Variants in TBC1D8 observed in about 807,000 individuals in gnomAD.
The protein encoded by TBC1D8 is BUB2-like protein 1.
A neutral mutation model predicts 118.8 loss-of-function variants in TBC1D8; 65 were observed. The observed-to-expected ratio is 0.55, with a 90% CI of 0.45 to 0.67. The LOEUF (loss-of-function observed/expected upper bound fraction) is 0.67. Ranked by LOEUF, TBC1D8 falls within the 30% of genes least tolerant of loss-of-function variation. The pLI, the probability that TBC1D8 is intolerant of heterozygous loss-of-function variation, is 0.00. For synonymous variants in TBC1D8, 566 were observed against 595.8 expected (o/e 0.95, Z 0.73); for missense variants, 1,376 against 1,471.2 (o/e 0.94, Z 1.06).
At chr2:101,057,697 G>C (rs1394505431) in intron 3 of TBC1D8, among the ~76,000 whole-genome samples, 1 of 152,132 alleles carries the variant, frequency 6.6e-6, no homozygotes, top group Non-Finnish European at 1.5e-5. Context: ...GGTGGTGTGT[G>C]CTTGCAGCCC....
intron 2 of TBC1D8, among the ~76,000 whole-genome samples, chr2:101,081,674 A>G (rs541056566): frequency 5.3e-5 from 8 of 152,320 alleles, no homozygotes; most frequent in African/African-American, 1.9e-4. Flanking sequence ...AGTCCACCTC[A>G]TGCCTCAGTT....
chr2:101,131,793 C>T (rs912547196), intron 1 of TBC1D8, among the ~76,000 whole-genome samples: 1 of 151,710 alleles, frequency 6.6e-6, no homozygotes, highest in Admixed American at 6.6e-5. Flanking sequence ...CCAGCCTGGG[C>T]GACAGAGCGA....
intron 1 of TBC1D8, among the ~76,000 whole-genome samples, chr2:101,150,040 T>C (rs956358367): frequency 6.6e-6 from 1 of 152,200 alleles, no homozygotes; most frequent in Non-Finnish European, 1.5e-5. Flanking sequence ...TCAGTGTAAG[T>C]CTGCACTCCT....
chr2:101,064,902 G>T (rs1682938888), intron 2 of TBC1D8, among the ~76,000 whole-genome samples: 1 of 152,058 alleles, frequency 6.6e-6, no homozygotes, highest in African/African-American at 2.4e-5. Context: ...AATTTTCTAG[G>T]TGAGAAGAGC....
At chr2:101,147,044 G>A (rs1679345512) in intron 1 of TBC1D8, among the ~76,000 whole-genome samples, 1 of 151,444 alleles carries the variant, frequency 6.6e-6, no homozygotes, top group South Asian at 2.1e-4. Context: ...CAGGCACGGT[G>A]GCTCACACCT....
At chr2:101,147,016 ATGT>A (rs1351969005) in intron 1 of TBC1D8, among the ~76,000 whole-genome samples, 1 of 149,156 alleles carries the variant, frequency 6.7e-6, no homozygotes, top group East Asian at 2.1e-4. Flanking sequence ...AGGTTCATCC[ATGT>A]TGTTGCAAAT....
rs200716618 is a variant in TBC1D8, at chr2:101,011,453, T to C, written c.2915A>G (p.Asn972Ser). The C allele has an allele frequency of 4.5e-5, 72 of 1,613,860 alleles. No individual in the cohort carries two copies. The African/African-American group carries it at 4.9e-4, about 11-fold the overall frequency. Residue 972 changes from asparagine (N) to serine (S), a missense_variant and splice_region_variant, in exon 18 of 20, where the codon AAT becomes AGT. Transcript: ENST00000409318. Reference protein sequence around the residue: ...TSRPLVFGKPNGDAVDYQKQL... With the variant: ...TSRPLVFGKPSGDAVDYQKQL... ...CAACAATGAAAAGAGGTACGTGCCATTGGGTTTCCCGAAAACCAGGGGTCT... is the reference window on the plus strand; with the variant it reads ...CAACAATGAAAAGAGGTACGTGCCACTGGGTTTCCCGAAAACCAGGGGTCT...
At chr2:101,122,363 G>C (rs1278637300) in intron 1 of TBC1D8, among the ~76,000 whole-genome samples, 1 of 113,876 alleles carries the variant, frequency 8.8e-6, no homozygotes, top group East Asian at 3.0e-4. Context: ...GAGCCACCGC[G>C]CCCGGCCAAG....
intron 1 of TBC1D8, among the ~76,000 whole-genome samples, chr2:101,148,770 C>G (rs1451667824): frequency 6.6e-6 from 1 of 152,174 alleles, no homozygotes; most frequent in East Asian, 1.9e-4. Flanking sequence ...TGCTTCCCTC[C>G]AAACAAAAGT....
chr2:101,058,766 A>T (rs78073428), intron 3 of TBC1D8, among the ~76,000 whole-genome samples: 2 of 151,836 alleles, frequency 1.3e-5, no homozygotes, highest in Admixed American at 1.3e-4. Flanking sequence ...AAAAAAAAAA[A>T]GGTGATTTAA....
chr2:101,067,769 G>C (rs1413952934), intron 2 of TBC1D8, among the ~76,000 whole-genome samples: 1 of 152,184 alleles, frequency 6.6e-6, no homozygotes, highest in Non-Finnish European at 1.5e-5. Flanking sequence ...TGACAATGAA[G>C]TTTCTGGCAC....
intron 17 of TBC1D8, among the ~76,000 whole-genome samples, chr2:101,020,578 G>C (rs1679972700): frequency 6.6e-6 from 1 of 152,186 alleles, no homozygotes; most frequent in African/African-American, 2.4e-5. Flanking sequence ...AGAAGGTCAA[G>C]GAGGGACTGC....
rs1055747238 is a variant in TBC1D8 at position 101,033,826 on chromosome 2, T to C, written c.1604-68A>G. 3 of 1,537,918 alleles carry C rather than the reference T, an allele frequency of 2.0e-6. No homozygotes were observed. In the African/African-American group the frequency reaches 4.1e-5, roughly 21 times the overall value. On this transcript the variant is annotated intron_variant, in intron 9 of 19. Coordinates refer to ENST00000409318, the MANE Select transcript of TBC1D8 (RefSeq NM_001330348.2). ...GATGGTGTCATGATGAAGAAGATGC[T>C]GGTCCCATCAGGGGACCCCAGTGGG... is the stretch of plus-strand genomic sequence containing the variant.
chr2:101,095,367 C>T (rs1199754694), intron 1 of TBC1D8, among the ~76,000 whole-genome samples: 2 of 150,546 alleles, frequency 1.3e-5, no homozygotes, highest in Admixed American at 1.3e-4. Context: ...CGTCATTTAG[C>T]ATTAGGTATA....
intron 3 of TBC1D8, 96 bp downstream of exon 3, chr2:101,059,325 T>G: frequency 1.1e-6 from 1 of 917,942 alleles, no homozygotes; most frequent in South Asian, 1.6e-5. Flanking sequence ...AAAAGTTCAG[T>G]TAGTAGGAAA....
intron 2 of TBC1D8, among the ~76,000 whole-genome samples, chr2:101,084,652 C>A (rs1558687030): frequency 6.6e-6 from 1 of 152,270 alleles, no homozygotes. Flanking sequence ...CCCACCTGCA[C>A]CTGTTATTCA....
At chr2:101,134,264 T>A (rs903308717) in intron 1 of TBC1D8, among the ~76,000 whole-genome samples, 7 of 151,588 alleles carry the variant, frequency 4.6e-5, no homozygotes, top group Admixed American at 6.6e-5. Context: ...CTGGTATAAA[T>A]GGATGCTAAC....
intron 9 of TBC1D8, among the ~76,000 whole-genome samples, chr2:101,034,792 T>C (rs1347997253): frequency 1.3e-5 from 2 of 152,236 alleles, no homozygotes; most frequent in Non-Finnish European, 2.9e-5. Context: ...TATGAATGTA[T>C]GTTGTCATTT....
At chr2:101,119,594 A>G (rs1678010380) in intron 1 of TBC1D8, among the ~76,000 whole-genome samples, 1 of 152,066 alleles carries the variant, frequency 6.6e-6, no homozygotes, top group Non-Finnish European at 1.5e-5. Context: ...GTCTGATGTC[A>G]TTGGTTTGGG....
Sources: gnomAD v4.1 joint callset for allele counts (sites outside exome capture counted in the v4.1 genomes callset) on GRCh38, gnomAD v4.1.1 for gene constraint, MANE v1.5 for transcripts, NCBI Gene and HGNC (gene_info 2026-07-23, HGNC 2026-07-21) for gene names.